PRDM5: variants seen among roughly 807,000 people sequenced by gnomAD.
PRDM5 encodes PR domain zinc finger protein 5.
In PRDM5, 56 loss-of-function variants were observed where a neutral mutation model predicts 81.2. That is an observed-to-expected ratio of 0.69 (90% CI 0.56 to 0.86). The LOEUF is 0.86. PRDM5 is among the 40% of genes least tolerant of loss of function. PRDM5 has a pLI of 0.00. For synonymous variants in PRDM5, 267 were observed against 256.4 expected, an observed-to-expected ratio of 1.04 and a Z score of -0.39; for missense variants, 697 against 770.1, an observed-to-expected ratio of 0.91 and a Z score of 1.12.
chr4:120,865,963 T>C (rs1761160160), intron 2 of PRDM5, among the ~76,000 whole-genome samples: 1 of 151,868 alleles, frequency 6.6e-6, no homozygotes, highest in East Asian at 1.9e-4. Flanking sequence ...GTTATGACAA[T>C]CAATGATCCA....
chr4:120,742,555 T>C (rs1427516627), intron 14 of PRDM5, among the ~76,000 whole-genome samples: 1 of 151,862 alleles, frequency 6.6e-6, no homozygotes, highest in African/African-American at 2.4e-5. Context: ...AATGTATAAC[T>C]AGAATAACCA....
chr4:120,898,686 C>T (rs989596961), intron 2 of PRDM5, among the ~76,000 whole-genome samples: 36 of 152,164 alleles, frequency 2.4e-4, no homozygotes, highest in African/African-American at 8.4e-4. Flanking sequence ...TTGTTATCAG[C>T]AGTAATATTG....
chr4:120,798,279 C>A lies in PRDM5; in HGVS notation c.1176G>T (p.Lys392Asn). The change falls in exon 10 of 16, where the codon AAG becomes AAT. Residue 392 changes from lysine (K) to asparagine (N), a missense_variant. By Grantham distance (94) the Lys-to-Asn change is moderately conservative. Coordinates refer to ENST00000264808, the MANE Select transcript of PRDM5 (RefSeq NM_018699.4). The part of the protein sequence containing the change: ...GKGFAHRNVY[K>N]NHKKTHSEER... The stretch of plus-strand genomic sequence containing the variant: ...TAATAAGTTTTACCTTCTTATGATT[C>A]TTGTAAACATTTCTGTGGGCAAATC... The A allele has an allele frequency of 6.2e-7, 1 of 1,600,402 alleles. No individual in the cohort carries two copies. The highest frequency in any genetic ancestry group is 8.5e-7 in the Non-Finnish European group (1 of 1,172,910).
At chr4:120,808,935 G>A (rs566173430) in intron 8 of PRDM5, among the ~76,000 whole-genome samples, 11 of 152,304 alleles carry the variant, frequency 7.2e-5, no homozygotes, top group African/African-American at 1.7e-4. Flanking sequence ...CCCGGTTCCC[G>A]CCTGGCCCTC....
Position 120,710,325 on chromosome 4 carries a change from T to C in PRDM5, c.1712A>G (p.Lys571Arg), listed in dbSNP as rs775560484. 6.8e-6 allele frequency: 11 copies of C among 1,613,770 alleles called. No homozygotes were observed. The highest frequency in any genetic ancestry group is 1.7e-5 in the Admixed American group (1 of 59,968). The change falls in exon 15 of 16, where the codon AAG becomes AGG. Residue 571 changes from lysine to arginine, a missense_variant. Around this residue, in one of 3 missense-constraint regions of PRDM5, gnomAD observed 86 missense variants for 135.2 expected, o/e 0.64. Coordinates refer to ENST00000264808, the MANE Select transcript of PRDM5 (RefSeq NM_018699.4). ...DEHKRTHTGE[K>R]PFQCDVCDLA... ...CAAACTCACATCACACTGAAAAGGC[T>C]TTTCTCCAGTGTGCGTCCTCTTGTG...
intron 8 of PRDM5, among the ~76,000 whole-genome samples, chr4:120,804,336 T>G (rs982166139): frequency 6.6e-6 from 1 of 151,798 alleles, no homozygotes; most frequent in Non-Finnish European, 1.5e-5. Flanking sequence ...AACTCAGCTC[T>G]GCACCAAGCA....
chr4:120,776,162 A>G (rs764822499), intron 13 of PRDM5, among the ~76,000 whole-genome samples: 20 of 152,212 alleles, frequency 1.3e-4, no homozygotes, highest in Non-Finnish European at 1.2e-4. Flanking sequence ...AGCACCCATT[A>G]TTCCACAGCT....
chr4:120,792,406 T>G (rs76905138), intron 10 of PRDM5, among the ~76,000 whole-genome samples: 3 of 152,198 alleles, frequency 2.0e-5, no homozygotes, highest in East Asian at 3.9e-4. Context: ...ATTTTAAAGT[T>G]ATTTTCATAA....
At chr4:120,766,148 T>G (rs766822100) in intron 13 of PRDM5, among the ~76,000 whole-genome samples, 1 of 151,976 alleles carries the variant, frequency 6.6e-6, no homozygotes, top group Non-Finnish European at 1.5e-5. Context: ...TTAGTAGAGA[T>G]AGGGTTTCAC....
chr4:120,825,418 G>T (rs1755829329), intron 3 of PRDM5, among the ~76,000 whole-genome samples: 2 of 152,176 alleles, frequency 1.3e-5, no homozygotes, highest in African/African-American at 4.8e-5. Context: ...CAATTCGTTT[G>T]GTCAAAATGC....
intron 10 of PRDM5, among the ~76,000 whole-genome samples, chr4:120,788,218 T>C (rs1054077835): frequency 6.6e-6 from 1 of 152,166 alleles, no homozygotes; most frequent in Non-Finnish European, 1.5e-5. Flanking sequence ...GATATAAACC[T>C]GGTTAACTAA....
chr4:120,869,398 G>C (rs557027631), intron 2 of PRDM5, among the ~76,000 whole-genome samples: 2 of 152,306 alleles, frequency 1.3e-5, no homozygotes, highest in South Asian at 4.1e-4. Flanking sequence ...GTTTTCACTT[G>C]TAGAAAATAC....
intron 12 of PRDM5, 129 bp from the exon 13 acceptor site, chr4:120,777,410 A>G: frequency 6.7e-7 from 1 of 1,487,002 alleles, no homozygotes; most frequent in South Asian, 1.3e-5. Flanking sequence ...TAATTTCACA[A>G]TGAGATTTTA....
rs370567665 is a variant in PRDM5 at position 120,907,468 on chromosome 4, C to T, written c.177+6G>A. 1.3e-6 allele frequency: 2 copies of T among 1,583,874 alleles called. No homozygotes were observed. The highest frequency in any genetic ancestry group is 1.3e-5 in the African/African-American group (1 of 74,126). ...TTTTTAACATTAAAATAAGTCATAT[C>T]CTCACCTCCCACATCAACCTGTAAT... is the stretch of plus-strand genomic sequence containing the variant. On this transcript the variant is annotated splice_donor_region_variant and intron_variant, in intron 2 of 15. Coordinates refer to ENST00000264808, the MANE Select transcript of PRDM5 (RefSeq NM_018699.4).
intron 14 of PRDM5, among the ~76,000 whole-genome samples, chr4:120,745,254 A>G (rs1339062469): frequency 7.8e-6 from 1 of 128,416 alleles, no homozygotes; most frequent in Non-Finnish European, 1.6e-5. Flanking sequence ...AAAACTCTCA[A>G]TAAATTAGGT....
chr4:120,758,276 T>C (rs947549374), intron 13 of PRDM5, among the ~76,000 whole-genome samples: 1 of 152,144 alleles, frequency 6.6e-6, no homozygotes, highest in Non-Finnish European at 1.5e-5. Flanking sequence ...TAATACAATA[T>C]TACTCCCTTT....
chr4:120,743,313 C>T (rs1269294155), intron 14 of PRDM5, among the ~76,000 whole-genome samples: 107 of 151,898 alleles, frequency 7.0e-4, no homozygotes, highest in Admixed American at 3.3e-3. Context: ...CGGTACCAGC[C>T]GCTGCAAAAT....
In PRDM5 at chr4:120,798,304, C is replaced by T. The variant is rs762154293; in HGVS notation, c.1151G>A (p.Gly384Glu). 6.2e-7 allele frequency: 1 copy of T among 1,610,094 alleles called. No individual in the cohort carries two copies. Among genetic ancestry groups the T allele is most frequent in the East Asian group, 2.2e-5 (1 of 44,758 alleles). The change falls in exon 10 of 16, where the codon GGA becomes GAA. Residue 384 changes from glycine (G) to glutamate (E), a missense_variant. By Grantham distance (98) the Gly-to-Glu change is moderately conservative. Around this residue, in one of 3 missense-constraint regions of PRDM5, gnomAD observed 577 missense variants for 606.7 expected, o/e 0.95. Coordinates refer to ENST00000264808, the MANE Select transcript of PRDM5 (RefSeq NM_018699.4). ...KPYKCKLCGK[G>E]FAHRNVYKNH... ...CTTGTAAACATTTCTGTGGGCAAATCCCTTTCCACAAAGTTTGCATTTGTA... is the reference window on the plus strand; with the variant it reads ...CTTGTAAACATTTCTGTGGGCAAATTCCTTTCCACAAAGTTTGCATTTGTA...
chr4:120,893,243 C>T (rs1442856569), intron 2 of PRDM5, among the ~76,000 whole-genome samples: 1 of 152,192 alleles, frequency 6.6e-6, no homozygotes, highest in African/African-American at 2.4e-5. Context: ...CATTCACTCA[C>T]CCTTTTCCAT....
Sources: allele counts gnomAD v4.1 joint callset (sites outside exome capture counted in the v4.1 genomes callset), GRCh38; gene constraint gnomAD v4.1.1; regional missense constraint gnomAD v4.1.1; transcripts MANE v1.5; gene names NCBI Gene and HGNC (gene_info 2026-07-23, HGNC 2026-07-21).